The following GALNT13 variants were observed in gnomAD, a reference collection of about 807,000 sequenced individuals.
GALNT13 encodes the protein UDP-GalNAc:polypeptide N-acetylgalactosaminyltransferase 13.
GALNT13 carries 28 observed loss-of-function variants against 64.2 expected under a neutral mutation model. That is an observed-to-expected ratio of 0.44 (90% confidence interval 0.32 to 0.60). The LOEUF (loss-of-function observed/expected upper bound fraction) is 0.60. GALNT13 is among the 20% of genes least tolerant of loss of function. The pLI is 0.05. For missense variants in GALNT13, 577 were observed against 669.8 expected (o/e 0.86, Z 1.53); for synonymous variants, 214 against 224.6 (o/e 0.95, Z 0.42).
chr2:153,210,821 A>T, the GALNT13 span, among the ~76,000 whole-genome samples: 1 of 152,208 alleles, frequency 6.6e-6, no homozygotes, highest in African/African-American at 2.4e-5. Context: ...CTTCCATTAT[A>T]ATATTTAATA....
chr2:153,678,691 A>C, the GALNT13 span, among the ~76,000 whole-genome samples: 1 of 147,950 alleles, frequency 6.8e-6, no homozygotes, highest in Non-Finnish European at 1.5e-5. Context: ...AAAGGGGGGA[A>C]AAAAAGTAGG....
chr2:153,285,454 G>A, the GALNT13 span, among the ~76,000 whole-genome samples: 12 of 152,036 alleles, frequency 7.9e-5, no homozygotes, highest in East Asian at 1.9e-4. Flanking sequence ...ATGGAATTAC[G>A]TAGAAGGAAA....
chr2:154,178,119 T>C (rs925584395), intron 4 of GALNT13, among the ~76,000 whole-genome samples: 13 of 152,118 alleles, frequency 8.5e-5, no homozygotes, highest in Non-Finnish European at 1.6e-4. Flanking sequence ...TTGCTGCAGC[T>C]GGGCCAGGAA....
chr2:153,433,278 G>T, the GALNT13 span, among the ~76,000 whole-genome samples: 1 of 152,168 alleles, frequency 6.6e-6, no homozygotes, highest in Non-Finnish European at 1.5e-5. Context: ...AGAAGGTTCT[G>T]ATCTACCACA....
At chr2:153,367,692 G>A in the GALNT13 span, among the ~76,000 whole-genome samples, 2 of 152,060 alleles carry the variant, frequency 1.3e-5, no homozygotes, top group South Asian at 4.1e-4. Flanking sequence ...ATATAAAACT[G>A]TAACATAACA....
At chr2:153,126,200 C>A in the GALNT13 span, among the ~76,000 whole-genome samples, 1 of 151,252 alleles carries the variant, frequency 6.6e-6, no homozygotes, top group African/African-American at 2.4e-5. Flanking sequence ...ACTTGGAACT[C>A]AACTAAATGT....
intron 3 of GALNT13, among the ~76,000 whole-genome samples, chr2:154,047,816 T>C (rs1283042541): frequency 6.6e-6 from 1 of 152,148 alleles, no homozygotes; most frequent in Non-Finnish European, 1.5e-5. Flanking sequence ...TTGTGAGTGC[T>C]CTCCTGTGTA....
At chr2:153,541,646 C>T in the GALNT13 span, among the ~76,000 whole-genome samples, 1 of 152,168 alleles carries the variant, frequency 6.6e-6, no homozygotes, top group East Asian at 1.9e-4. Context: ...GGCCATAAGA[C>T]CTTCATTCCA....
chr2:153,627,204 C>G, the GALNT13 span, among the ~76,000 whole-genome samples: 1 of 152,024 alleles, frequency 6.6e-6, no homozygotes, highest in Non-Finnish European at 1.5e-5. Flanking sequence ...TGGAAAAAGC[C>G]TTTGTCCTTA....
chr2:153,148,691 G>C, the GALNT13 span, among the ~76,000 whole-genome samples: 1 of 151,766 alleles, frequency 6.6e-6, no homozygotes, highest in Non-Finnish European at 1.5e-5. Flanking sequence ...TGCTTGTTAA[G>C]ACAGGGGGTT....
At chr2:153,858,253 A>G in the GALNT13 span, among the ~76,000 whole-genome samples, 52 of 152,188 alleles carry the variant, frequency 3.4e-4, no homozygotes, top group Admixed American at 2.4e-3. Context: ...GTAGGCCCCA[A>G]TGATTTGATA....
At chr2:153,214,339 A>G in the GALNT13 span, among the ~76,000 whole-genome samples, 17 of 152,304 alleles carry the variant, frequency 1.1e-4, no homozygotes, top group East Asian at 3.1e-3. Context: ...AATACAATAT[A>G]TAGTCCTTCT....
intron 4 of GALNT13, 95 bp from the exon 5 acceptor site, chr2:154,241,935 C>G (rs1689509183): frequency 3.0e-6 from 2 of 673,244 alleles, no homozygotes; most frequent in Non-Finnish European, 4.6e-6. Flanking sequence ...AAGGGGCTTT[C>G]AAGTCTGAAG....
chr2:153,550,462 G>T, the GALNT13 span, among the ~76,000 whole-genome samples: 1 of 151,880 alleles, frequency 6.6e-6, no homozygotes, highest in African/African-American at 2.4e-5. Context: ...CAAACTCCTG[G>T]CTTCAAGTGA....
At chr2:153,618,740 T>A in the GALNT13 span, among the ~76,000 whole-genome samples, 1 of 152,026 alleles carries the variant, frequency 6.6e-6, no homozygotes, top group Non-Finnish European at 1.5e-5. Context: ...TTTATCTCCT[T>A]GCTCAATTGA....
At chr2:153,971,971 G>A (rs1051741264) in intron 3 of GALNT13, among the ~76,000 whole-genome samples, 1 of 152,034 alleles carries the variant, frequency 6.6e-6, no homozygotes, top group African/African-American at 2.4e-5. Flanking sequence ...TAAGAGGAGA[G>A]AATGCAAAGA....
chr2:154,251,380 A>G (rs376217063), intron 7 of GALNT13, among the ~76,000 whole-genome samples: 4 of 152,276 alleles, frequency 2.6e-5, no homozygotes, highest in African/African-American at 9.6e-5. Context: ...AGGGAAAAAA[A>G]TAACTACTCC....
chr2:153,704,484 A>G, the GALNT13 span, among the ~76,000 whole-genome samples: 5 of 152,186 alleles, frequency 3.3e-5, no homozygotes, highest in South Asian at 2.1e-4. Flanking sequence ...CATTGAAAAT[A>G]TAATATACTT....
chr2:154,442,035 A>C (rs1275727234), intron 12 of GALNT13, among the ~76,000 whole-genome samples: 1 of 151,130 alleles, frequency 6.6e-6, no homozygotes, highest in African/African-American at 2.4e-5. Flanking sequence ...GAAAAACTGG[A>C]AATAATTAGA....
Sources: gnomAD v4.1 joint callset for allele counts (sites outside exome capture counted in the v4.1 genomes callset) on GRCh38, gnomAD v4.1.1 for gene constraint, MANE v1.5 for transcripts, NCBI Gene and HGNC (gene_info 2026-07-23, HGNC 2026-07-21) for gene names.